SCYL1: variants seen among roughly 807,000 people sequenced by gnomAD.
SCYL1 encodes the protein N-terminal kinase-like protein.
A neutral mutation model predicts 94.8 loss-of-function variants in SCYL1; 85 were observed. That is an observed-to-expected ratio of 0.90 (90% CI 0.75 to 1.07). SCYL1 has a LOEUF of 1.07. Ranked by LOEUF, SCYL1 falls within the 50% of genes least tolerant of loss-of-function variation. SCYL1 has a pLI of 0.00. For missense variants in SCYL1, 968 were observed against 1,083.3 expected (o/e 0.89, Z 1.49); for synonymous variants, 459 against 435.5 (o/e 1.05, Z -0.67).
chr11:65,537,105 G>T lies in SCYL1; in HGVS notation c.1936G>T (p.Asp646Tyr). 1.9e-6 allele frequency: 3 copies of T among 1,614,166 alleles called. No homozygotes were observed. Among genetic ancestry groups the T allele is most frequent in the Non-Finnish European group, 2.5e-6 (3 of 1,180,012 alleles). The change falls in exon 14 of 18, where the codon GAC becomes TAC. Residue 646 changes from aspartate (D) to tyrosine (Y), a missense_variant. Coordinates refer to ENST00000270176, the MANE Select transcript of SCYL1 (RefSeq NM_020680.4). ...CAGCAGCACTGCTGACAGATGGGAC[G>T]ACGAAGACTGGGGCAGCCTGGAGGT... is the stretch of plus-strand genomic sequence containing the variant. Reference protein sequence around the residue: ...EDSSTADRWDDEDWGSLEQEA... With the variant: ...EDSSTADRWDYEDWGSLEQEA...
Position 65,532,730 on chromosome 11 carries a change from C to G in SCYL1, c.1155C>G (p.Val385=), listed in dbSNP as rs1411214637. 1.9e-6 allele frequency: 3 copies of G among 1,614,160 alleles called. No homozygotes were observed. The highest frequency in any genetic ancestry group is 2.5e-6 in the Non-Finnish European group (3 of 1,179,984). Residue 385 remains valine (V), a synonymous_variant, in exon 9 of 18, where the codon GTC becomes GTG. Transcript: ENST00000270176. ...QFIQYLDEPT[V]NTQIFPHVVH... is the part of the protein sequence containing the mutation. ...TCCAGTACCTTGACGAGCCAACAGT[C>G]AACACCCAGATCTTCCCCCACGTCG...
chr11:65,535,600 A>G lies in SCYL1; in HGVS notation c.1386+218A>G, dbSNP rs142255379. ...TCTGAATCCAGGCGTGCTTGGCCCC[A>G]TGGCCTGTGTGCATCCCTTCAGCCA... On this transcript the variant is annotated intron_variant, in intron 10 of 17. Coordinates refer to ENST00000270176, the MANE Select transcript of SCYL1 (RefSeq NM_020680.4). 8.5e-3 allele frequency: 5,563 copies of G among 653,810 alleles called. 36 individuals are homozygous for G. The highest frequency in any genetic ancestry group is 0.011 in the Non-Finnish European group (4,307 of 389,516). The allele number at this position is 653,810 out of a possible 1,614,324, so 40.5% of individuals were successfully genotyped here. A position where few individuals can be genotyped will look rare whatever the true frequency, so the allele number is the denominator to read the frequency against.
In SCYL1 at chr11:65,526,887, C is replaced by T; in HGVS notation, c.693+14C>T. The T allele has an allele frequency of 6.2e-7, 1 of 1,612,906 alleles. No homozygotes were observed. Among genetic ancestry groups the T allele is most frequent in the Non-Finnish European group, 8.5e-7 (1 of 1,179,600 alleles). On this transcript the variant is annotated intron_variant, in intron 5 of 17. Coordinates refer to ENST00000270176, the MANE Select transcript of SCYL1 (RefSeq NM_020680.4). This position sits in a 1 kb window ranked among gnomAD's most constrained non-coding sequence, Gnocchi z 4.1. ...AACCCTGGGAAGGTAAGTTTCTTGC[C>T]CCTGGCTCTTTGCCCTGCCTCAGCC...
chr11:65,534,099 TG>T (rs1565075506), intron 9 of SCYL1, among the ~76,000 whole-genome samples: 1 of 151,928 alleles, frequency 6.6e-6, no homozygotes, highest in East Asian at 1.9e-4. Context: ...GGCATGGTGG[TG>T]GGCGCCTGTG....
At chr11:65,530,237 T>C (rs767247624) in intron 6 of SCYL1, among the ~76,000 whole-genome samples, 2 of 152,154 alleles carry the variant, frequency 1.3e-5, no homozygotes, top group Non-Finnish European at 2.9e-5. Flanking sequence ...GCTCACATCC[T>C]GGGTGGCGAG....
intron 6 of SCYL1, 68 bp from the exon 7 acceptor site, chr11:65,530,561 C>T (rs1216680080): frequency 2.6e-6 from 4 of 1,533,542 alleles, no homozygotes; most frequent in Non-Finnish European, 3.5e-6. Flanking sequence ...TCCTTGTCCT[C>T]ACCCATGGCT....
At chr11:65,530,965 C>G (rs533174804) in intron 7 of SCYL1, among the ~76,000 whole-genome samples, 178 bp downstream of exon 7, 1 of 152,060 alleles carries the variant, frequency 6.6e-6, no homozygotes, top group Admixed American at 6.5e-5. Flanking sequence ...GAGACTCTGC[C>G]GCTAAAATCC....
Position 65,525,719 on chromosome 11 carries a change from C to T in SCYL1, c.252+5C>T, listed in dbSNP as rs573569707. 6.2e-7 allele frequency: 1 copy of T among 1,612,522 alleles called. No individual in the cohort carries two copies. Among genetic ancestry groups the T allele is most frequent in the Admixed American group, 1.7e-5 (1 of 59,988 alleles). ...GCTTACATCGATGGACTGGAGGTAC[C>T]TGCTGCCTTGCCTGCCCGTCTCTGC... On this transcript the variant is annotated splice_donor_5th_base_variant and intron_variant, in intron 2 of 17. Coordinates refer to ENST00000270176, the MANE Select transcript of SCYL1 (RefSeq NM_020680.4).
intron 8 of SCYL1, 121 bp downstream of exon 8, chr11:65,531,804 T>C: frequency 1.4e-6 from 1 of 707,994 alleles, no homozygotes; most frequent in Non-Finnish European, 2.5e-6. Flanking sequence ...TACACACAAC[T>C]GAGGGACCCA....
chr11:65,533,894 G>T (rs1485738409), intron 9 of SCYL1, among the ~76,000 whole-genome samples: 1 of 152,124 alleles, frequency 6.6e-6, no homozygotes, highest in Non-Finnish European at 1.5e-5. Flanking sequence ...AGACCAGCCT[G>T]GCCAACATGG....
rs1222905247 is a variant in SCYL1, at chr11:65,537,953, C to T, written c.2032-14C>T. The T allele has an allele frequency of 6.2e-7, 1 of 1,602,560 alleles. No homozygotes were observed. Among genetic ancestry groups the T allele is most frequent in the Non-Finnish European group, 8.5e-7 (1 of 1,173,822 alleles). Reference sequence around the variant, plus strand: ...TTGGGCCCAGGGCTACTTCCCCCTCCCGCTCTTCTACAGGTCAGCAACTCC... The same window carrying T: ...TTGGGCCCAGGGCTACTTCCCCCTCTCGCTCTTCTACAGGTCAGCAACTCC... On this transcript the variant is annotated splice_polypyrimidine_tract_variant and intron_variant, in intron 15 of 17. Coordinates refer to ENST00000270176, the MANE Select transcript of SCYL1 (RefSeq NM_020680.4).
At chr11:65,533,956 C>G (rs984285630) in intron 9 of SCYL1, among the ~76,000 whole-genome samples, 7 of 152,124 alleles carry the variant, frequency 4.6e-5, no homozygotes, top group South Asian at 2.1e-4. Context: ...ATGGCTGGGC[C>G]CGGTTGCTCA....
chr11:65,531,509 T>A, intron 7 of SCYL1, 67 bp from the exon 8 acceptor site: 1 of 1,232,104 alleles, frequency 8.1e-7, no homozygotes, highest in Middle Eastern at 1.9e-4. Context: ...GCCCCAGGAA[T>A]TTAGATAAGC....
At chr11:65,538,397 C>A (rs1784221) in intron 17 of SCYL1, 45 bp from the exon 18 acceptor site, 6 of 1,539,754 alleles carry the variant, frequency 3.9e-6, no homozygotes, top group Non-Finnish European at 5.3e-6. Flanking sequence ...CCCCGGCAGG[C>A]ACTGGCTGGA....
Position 65,525,942 on chromosome 11 carries a change from G to C in SCYL1, c.274G>C (p.Val92Leu), listed in dbSNP as rs761516991. The change falls in exon 3 of 18, where the codon GTG becomes CTG. Residue 92 changes from valine to leucine, a missense_variant. Physicochemically the swap from Val to Leu is conservative, Grantham distance 32. Coordinates refer to ENST00000270176, the MANE Select transcript of SCYL1 (RefSeq NM_020680.4). Reference sequence around the variant, plus strand: ...CCAGACAGAAAAATGCCTCCACGTCGTGACAGAGGCTGTGACCCCGTTGGG... The same window carrying C: ...CCAGACAGAAAAATGCCTCCACGTCCTGACAGAGGCTGTGACCCCGTTGGG... ...GLETEKCLHV[V>L]TEAVTPLGIY... The C allele has an allele frequency of 6.2e-7, 1 of 1,613,588 alleles. No homozygotes were observed. Among genetic ancestry groups the C allele is most frequent in the Non-Finnish European group, 8.5e-7 (1 of 1,179,924 alleles).
At chr11:65,536,371 C>A in intron 12 of SCYL1, 37 bp downstream of exon 12, 3 of 1,604,046 alleles carry the variant, frequency 1.9e-6, no homozygotes, top group South Asian at 1.1e-5. Context: ...CTTTCCCTGC[C>A]ATGTCCTTGA....
At chr11:65,530,524 G>C in intron 6 of SCYL1, 105 bp from the exon 7 acceptor site, 2 of 1,310,312 alleles carry the variant, frequency 1.5e-6, no homozygotes, top group Non-Finnish European at 2.1e-6. Flanking sequence ...AGGCTCCAGA[G>C]CCCATAAGGC....
chr11:65,537,000 G>A lies in SCYL1; in HGVS notation c.1831G>A (p.Ala611Thr). 6.3e-7 allele frequency: 1 copy of A among 1,575,762 alleles called. No homozygotes were observed. The highest frequency in any genetic ancestry group is 1.4e-5 in the African/African-American group (1 of 73,644). ...RPTPEGVPAP[A>T]PTPVPATPTT... The stretch of plus-strand genomic sequence containing the variant: ...CTGCTCCCCAGGAGTTCCTGCCCCA[G>A]CCCCCACCCCTGTTCCTGCCACCCC... The change falls in exon 14 of 18, where the codon GCC becomes ACC. Residue 611 changes from alanine to threonine, a missense_variant. Transcript: ENST00000270176.
Position 65,535,235 on chromosome 11 carries a change from G to C in SCYL1, c.1239G>C (p.Leu413=). The C allele has an allele frequency of 6.2e-7, 1 of 1,614,064 alleles. No individual in the cohort carries two copies. The highest frequency in any genetic ancestry group is 8.5e-7 in the Non-Finnish European group (1 of 1,179,938). ...TCATTTCTGCCCCACAGTCCATGCTGCTCCTGGCCCCAAAGCTGAACGAGG... is the reference window on the plus strand; with the variant it reads ...TCATTTCTGCCCCACAGTCCATGCTCCTCCTGGCCCCAAAGCTGAACGAGG... ...AIREQTVKSM[L]LLAPKLNEAN... Residue 413 remains leucine, a synonymous_variant, in exon 10 of 18, where the codon CTG becomes CTC. Transcript: ENST00000270176.
Sources: allele counts gnomAD v4.1 joint callset (sites outside exome capture counted in the v4.1 genomes callset), GRCh38; gene constraint gnomAD v4.1.1; non-coding constraint Gnocchi (gnomAD v3.1); transcripts MANE v1.5; gene names NCBI Gene and HGNC (gene_info 2026-07-23, HGNC 2026-07-21).